TTC3: variants seen among roughly 807,000 people sequenced by gnomAD.
TTC3 encodes the protein tetratricopeptide repeat domain 3, also known as E3 ubiquitin-protein ligase TTC3.
Under a neutral mutation model 249.6 loss-of-function variants are expected in TTC3, and 180 were observed. The observed-to-expected ratio is 0.72, with a 90% CI of 0.64 to 0.82. TTC3 has a LOEUF of 0.82. Among genes scored for constraint, TTC3 ranks in the 40% least tolerant of loss-of-function variants. TTC3 has a pLI of 0.00. For missense variants in TTC3, 2,061 were observed against 2,398.4 expected, an observed-to-expected ratio of 0.86 and a Z score of 2.94; for synonymous variants, 717 against 805.0, an observed-to-expected ratio of 0.89 and a Z score of 1.85.
At chr21:37,125,763 C>G (rs1568989578) in intron 14 of TTC3, among the ~76,000 whole-genome samples, 1 of 152,122 alleles carries the variant, frequency 6.6e-6, no homozygotes, top group Non-Finnish European at 1.5e-5. Context: ...GTTTTACTCT[C>G]AGGCTTGTAG....
chr21:37,191,160 A>G (rs1353953025), intron 39 of TTC3, among the ~76,000 whole-genome samples, 174 bp from the exon 40 acceptor site: 3 of 152,176 alleles, frequency 2.0e-5, no homozygotes, highest in East Asian at 3.8e-4. Flanking sequence ...AAAATTTTCT[A>G]AAGTGTCTCT....
At chr21:37,097,524 C>T (rs2074060623) in intron 10 of TTC3, among the ~76,000 whole-genome samples, 1 of 152,192 alleles carries the variant, frequency 6.6e-6, no homozygotes, top group Non-Finnish European at 1.5e-5. Context: ...ATATTTGCCT[C>T]TGACCTTCAG....
At chr21:37,074,799 G>A (rs1267050124) in intron 1 of TTC3, among the ~76,000 whole-genome samples, 1 of 152,206 alleles carries the variant, frequency 6.6e-6, no homozygotes, top group Non-Finnish European at 1.5e-5. Flanking sequence ...CTCAAGGGCT[G>A]CGTTTTGGTG....
intron 7 of TTC3, 155 bp downstream of exon 7, chr21:37,091,568 ATT>A (rs2073273356): frequency 5.3e-6 from 1 of 190,098 alleles, no homozygotes; most frequent in African/African-American, 2.5e-5. Flanking sequence ...TCTTTTTTTT[ATT>A]ATTTATTTAT....
At chr21:37,088,197 A>G (rs567800982) in exon 4 of TTC3, 81 of 1,563,048 alleles carry the variant, frequency 5.2e-5, no homozygotes, top group South Asian at 1.4e-4. Flanking sequence ...TTAATTAAGA[A>G]TTTGACATCT....
intron 19 of TTC3, among the ~76,000 whole-genome samples, chr21:37,139,436 C>T (rs1269271650): frequency 6.6e-6 from 1 of 152,030 alleles, no homozygotes. Context: ...TTTGAGTTTG[C>T]TATAAATGTT....
At chr21:37,123,308 A>G (rs1177548860) in intron 13 of TTC3, among the ~76,000 whole-genome samples, 1 of 152,172 alleles carries the variant, frequency 6.6e-6, no homozygotes, top group Non-Finnish European at 1.5e-5. Flanking sequence ...CTATGCTTGG[A>G]TGGGACCAGT....
At chr21:37,156,903 A>G (rs749473662) in exon 28 of TTC3, 2 of 1,613,252 alleles carry the variant, frequency 1.2e-6, no homozygotes, top group Admixed American at 1.7e-5. Context: ...CTTTGATATA[A>G]TGGGTATGTG....
chr21:37,103,041 G>T (rs2147768271), intron 10 of TTC3, among the ~76,000 whole-genome samples: 1 of 152,190 alleles, frequency 6.6e-6, no homozygotes, highest in Admixed American at 6.5e-5. Flanking sequence ...AAGAGGTGAA[G>T]CCATGTATGA....
chr21:37,103,312 C>T (rs2074707377), intron 10 of TTC3, among the ~76,000 whole-genome samples: 1 of 152,226 alleles, frequency 6.6e-6, no homozygotes, highest in African/African-American at 2.4e-5. Flanking sequence ...CTAGAACTCT[C>T]TTTCTTACTC....
Position 37,149,936 on chromosome 21 carries a change from G to A in TTC3, c.2119-142G>A, listed in dbSNP as rs1275671708. On this transcript the variant is annotated intron_variant, in intron 23 of 45. Transcript: ENST00000355666. ...GAAGCCTTAAAATTCGCATGGCAGT[G>A]AGTAAGGATTTTCACCACTTGCCTG... 2.6e-5 allele frequency: 16 copies of A among 606,730 alleles called. No individual in the cohort carries two copies. The Admixed American group carries it at 3.2e-4, about 12-fold the overall frequency. 37.6% of individuals were successfully genotyped at this position (606,730 alleles called of 1,614,324 possible). A position where few individuals can be genotyped will look rare whatever the true frequency, so the allele number is the denominator to read the frequency against.
intron 1 of TTC3, among the ~76,000 whole-genome samples, chr21:37,075,542 A>C (rs1601171476): frequency 6.6e-6 from 1 of 152,336 alleles, no homozygotes; most frequent in East Asian, 1.9e-4. Flanking sequence ...GTGAGAACAC[A>C]ATTTCCTCAC....
exon 43 of TTC3, chr21:37,197,637 A>G: frequency 6.2e-7 from 1 of 1,612,160 alleles, no homozygotes; most frequent in Non-Finnish European, 8.5e-7. Flanking sequence ...AGGATTGAGT[A>G]TTGATGAAAT....
chr21:37,118,521 G>A (rs1245802242), intron 11 of TTC3, among the ~76,000 whole-genome samples: 3 of 152,154 alleles, frequency 2.0e-5, no homozygotes, highest in Non-Finnish European at 4.4e-5. Context: ...CCTCAGAAAT[G>A]TCCTCAAGAA....
At chr21:37,163,570 G>C (rs539435705) in intron 31 of TTC3, among the ~76,000 whole-genome samples, 4 of 152,020 alleles carry the variant, frequency 2.6e-5, no homozygotes, top group African/African-American at 9.7e-5. Context: ...GGCTGATCTC[G>C]AACTCCTGAC....
rs1241549696 is a variant in TTC3, at chr21:37,198,012, TC to T, written c.5840del (p.Pro1947LeufsTer2). 6.2e-7 allele frequency: 1 copy of T among 1,611,356 alleles called. No homozygotes were observed. Among genetic ancestry groups the T allele is most frequent in the Non-Finnish European group, 8.5e-7 (1 of 1,179,222 alleles). On this transcript the variant is annotated frameshift_variant, in exon 44 of 46. Coordinates refer to ENST00000355666, the Ensembl canonical transcript of TTC3. LOFTEE classifies it high-confidence loss of function. Reference sequence around the variant, plus strand: ...ACCAAGGGGCAGAAAGCAGAAGATGTCCCTGTGAGGATTGTATGTATAACTG... The same window carrying T: ...ACCAAGGGGCAGAAAGCAGAAGATGTCCTGTGAGGATTGTATGTATAACTG...
At chr21:37,098,739 T>C (rs983192996) in intron 10 of TTC3, 3 of 152,162 alleles carry the variant, frequency 2.0e-5, no homozygotes, top group African/African-American at 7.2e-5. Flanking sequence ...TCAGAGTCCA[T>C]AGTATATATA....
chr21:37,149,502 C>T (rs2079266289), intron 23 of TTC3, among the ~76,000 whole-genome samples: 1 of 152,170 alleles, frequency 6.6e-6, no homozygotes, highest in African/African-American at 2.4e-5. Flanking sequence ...GTGATATACC[C>T]TCTTTTAGTG....
rs569456884 is a variant in TTC3, at chr21:37,129,553, T to C, written c.1358+490T>C. On this transcript the variant is annotated intron_variant, in intron 16 of 45. Coordinates refer to ENST00000355666, the Ensembl canonical transcript of TTC3. ...ATTATTGTTAGAGGAAAATCTTTCC[T>C]AATGAATTCTGACTACTTCTAAAAT... Among the ~76,000 whole-genome samples, 223 of 152,364 alleles carry C rather than the reference T, an allele frequency of 1.5e-3. 2 individuals are homozygous for C. The highest frequency in any genetic ancestry group is 4.9e-3 in the African/African-American group (204 of 41,590).
Sources: allele counts gnomAD v4.1 joint callset (sites outside exome capture counted in the v4.1 genomes callset), GRCh38; gene constraint gnomAD v4.1.1; transcripts MANE v1.5; gene names NCBI Gene and HGNC (gene_info 2026-07-23, HGNC 2026-07-21).